The following SEMA5A variants were observed in gnomAD, a reference collection of about 807,000 sequenced individuals.
SEMA5A encodes semaphorin 5A, also known as semaphorin-5A.
SEMA5A carries 55 observed loss-of-function variants against 135.5 expected under a neutral mutation model. The ratio of observed to expected loss-of-function variants is 0.41; its 90% CI spans 0.33 to 0.51. The LOEUF (loss-of-function observed/expected upper bound fraction) is 0.51. SEMA5A is among the 20% of genes least tolerant of loss of function. SEMA5A has a pLI of 0.37. For missense variants in SEMA5A, 1,290 were observed against 1,419.9 expected, an observed-to-expected ratio of 0.91 and a Z score of 1.47; for synonymous variants, 580 against 546.5, an observed-to-expected ratio of 1.06 and a Z score of -0.85.
chr5:9,342,625 C>T (rs1422453610), intron 3 of SEMA5A, among the ~76,000 whole-genome samples: 1 of 152,158 alleles, frequency 6.6e-6, no homozygotes, highest in South Asian at 2.1e-4. Flanking sequence ...CATATCACAG[C>T]CTACTTCTAT....
intron 13 of SEMA5A, among the ~76,000 whole-genome samples, chr5:9,135,939 G>A (rs1379705036): frequency 6.6e-6 from 1 of 152,212 alleles, no homozygotes; most frequent in Non-Finnish European, 1.5e-5. Context: ...CTTGGATTCA[G>A]TCTGGCTCTC....
At chr5:9,234,697 TAAA>T (rs1407800463) in intron 6 of SEMA5A, among the ~76,000 whole-genome samples, 2 of 152,336 alleles carry the variant, frequency 1.3e-5, no homozygotes, top group South Asian at 2.1e-4. Context: ...ATATTAGTGT[TAAA>T]AAATCCATTC....
At chr5:9,317,235 G>C (rs1415047242) in intron 5 of SEMA5A, among the ~76,000 whole-genome samples, 2 of 152,116 alleles carry the variant, frequency 1.3e-5, no homozygotes, top group African/African-American at 4.8e-5. Flanking sequence ...TATTATAATG[G>C]AGATTTATTA....
At chr5:9,418,098 T>C in intron 2 of SEMA5A, among the ~76,000 whole-genome samples, 1 of 151,782 alleles carries the variant, frequency 6.6e-6, no homozygotes, top group South Asian at 2.1e-4. Flanking sequence ...TGCCTCAGCC[T>C]CCCGAGTAGC....
chr5:9,062,507 C>T (rs1737237727), intron 18 of SEMA5A, among the ~76,000 whole-genome samples: 1 of 152,016 alleles, frequency 6.6e-6, no homozygotes. Flanking sequence ...GCTCTGTTAC[C>T]CAGGGTGGAG....
At chr5:9,087,793 C>T (rs916673106) in intron 16 of SEMA5A, among the ~76,000 whole-genome samples, 1 of 151,938 alleles carries the variant, frequency 6.6e-6, no homozygotes, top group African/African-American at 2.4e-5. Flanking sequence ...TTATTCAAAG[C>T]CCTCTTTCAG....
intron 13 of SEMA5A, among the ~76,000 whole-genome samples, chr5:9,125,148 C>T (rs189418712): frequency 1.6e-4 from 24 of 152,236 alleles, no homozygotes; most frequent in African/African-American, 5.1e-4. Context: ...TTGACATGAC[C>T]GGTTGGCCAA....
At chr5:9,303,134 T>TTTA (rs1751693494) in intron 5 of SEMA5A, among the ~76,000 whole-genome samples, 1 of 149,856 alleles carries the variant, frequency 6.7e-6, no homozygotes. Flanking sequence ...TTTTTTTTTT[T>TTTA]GAGACAGAGT....
chr5:9,251,610 G>C (rs984315229), intron 5 of SEMA5A, among the ~76,000 whole-genome samples: 7 of 152,146 alleles, frequency 4.6e-5, no homozygotes, highest in African/African-American at 1.7e-4. Context: ...ATATGTAAAT[G>C]TATACGGCAG....
At chr5:9,102,779 T>C (rs1436446332) in intron 16 of SEMA5A, among the ~76,000 whole-genome samples, 3 of 152,152 alleles carry the variant, frequency 2.0e-5, no homozygotes, top group Non-Finnish European at 4.4e-5. Flanking sequence ...TGAACATGGA[T>C]TCAGAACTCT....
At chr5:9,366,910 A>C (rs1012720579) in intron 3 of SEMA5A, among the ~76,000 whole-genome samples, 3 of 152,220 alleles carry the variant, frequency 2.0e-5, no homozygotes, top group African/African-American at 7.2e-5. Context: ...TTTTCTATAC[A>C]TCAGAGAAGC....
At chr5:9,524,372 G>A (rs938972788) in intron 1 of SEMA5A, among the ~76,000 whole-genome samples, 7 of 152,090 alleles carry the variant, frequency 4.6e-5, no homozygotes, top group Admixed American at 1.3e-4. Context: ...CAATGACTGG[G>A]GTCTTCATAA....
intron 5 of SEMA5A, among the ~76,000 whole-genome samples, chr5:9,290,303 G>A (rs1383822120): frequency 6.6e-6 from 1 of 152,114 alleles, no homozygotes; most frequent in Non-Finnish European, 1.5e-5. Flanking sequence ...AACATATGAT[G>A]TTTGGTTTTC....
At chr5:9,178,413 A>T (rs1168945666) in intron 11 of SEMA5A, among the ~76,000 whole-genome samples, 3 of 145,448 alleles carry the variant, frequency 2.1e-5, no homozygotes, top group East Asian at 4.0e-4. Context: ...GGTCACTGCA[A>T]CTCCATCTCC....
chr5:9,503,156 T>C (rs566510950), intron 1 of SEMA5A, among the ~76,000 whole-genome samples: 46 of 152,172 alleles, frequency 3.0e-4, no homozygotes, highest in Non-Finnish European at 1.2e-4. Context: ...AATGAATGAA[T>C]TCAAAATACA....
At chr5:9,230,158 C>CTTTTTTTTTT (rs5865817) in intron 6 of SEMA5A, among the ~76,000 whole-genome samples, 656 of 97,788 alleles carry the variant, frequency 6.7e-3, no homozygotes, top group Non-Finnish European at 8.7e-3. Context: ...CTATTTTTTT[C>CTTTTTTTTTT]TTTTTTTTTT....
intron 12 of SEMA5A, among the ~76,000 whole-genome samples, chr5:9,150,883 C>A (rs1054127396): frequency 6.6e-6 from 1 of 152,184 alleles, no homozygotes; most frequent in Admixed American, 6.5e-5. Context: ...CTCAGTTTCA[C>A]ACATGAAGAG....
intron 11 of SEMA5A, among the ~76,000 whole-genome samples, chr5:9,169,649 T>A (rs1310914971): frequency 6.6e-6 from 1 of 152,132 alleles, no homozygotes; most frequent in Non-Finnish European, 1.5e-5. Flanking sequence ...AGTCAGACGC[T>A]CTCCCACTCT....
intron 14 of SEMA5A, among the ~76,000 whole-genome samples, chr5:9,120,080 T>A (rs1171189428): frequency 1.3e-5 from 2 of 151,912 alleles, no homozygotes; most frequent in African/African-American, 4.8e-5. Context: ...ATACATAGGT[T>A]TTTTTTTAAA....
Sources: allele counts gnomAD v4.1 joint callset (sites outside exome capture counted in the v4.1 genomes callset), GRCh38; gene constraint gnomAD v4.1.1; transcripts MANE v1.5; gene names NCBI Gene and HGNC (gene_info 2026-07-23, HGNC 2026-07-21).